Variants in MAGI1 observed in about 807,000 individuals in gnomAD.
MAGI1 encodes membrane-associated guanylate kinase, WW and PDZ domain-containing protein 1.
MAGI1 carries 58 observed loss-of-function variants against 139.9 expected under a neutral mutation model. The ratio of observed to expected loss-of-function variants is 0.41; its 90% confidence interval spans 0.34 to 0.52. The LOEUF (loss-of-function observed/expected upper bound fraction) is 0.52. MAGI1 is among the 20% of genes least tolerant of loss of function. The pLI, the probability that MAGI1 is intolerant of heterozygous loss-of-function variation, is 0.12. For synonymous variants in MAGI1, 812 were observed against 737.9 expected, an observed-to-expected ratio of 1.10 and a Z score of -1.63; for missense variants, 1,874 against 1,901.6, an observed-to-expected ratio of 0.99 and a Z score of 0.27.
chr3:65,949,833 C>T (rs2063711387), intron 1 of MAGI1, among the ~76,000 whole-genome samples: 1 of 151,944 alleles, frequency 6.6e-6, no homozygotes, highest in African/African-American at 2.4e-5. Flanking sequence ...CCTGTAATCC[C>T]AGCTCAAGAG....
At chr3:65,887,842 A>T (rs919991114) in intron 1 of MAGI1, among the ~76,000 whole-genome samples, 2 of 152,184 alleles carry the variant, frequency 1.3e-5, no homozygotes, top group Non-Finnish European at 2.9e-5. Flanking sequence ...TTATTCATTG[A>T]ATTTATTTCC....
intron 1 of MAGI1, among the ~76,000 whole-genome samples, chr3:65,953,766 A>T (rs1270967014): frequency 6.6e-6 from 1 of 152,236 alleles, no homozygotes; most frequent in Non-Finnish European, 1.5e-5. Flanking sequence ...GCCACTCTGT[A>T]GCACCGAAAG....
chr3:66,015,698 C>T, intron 1 of MAGI1, among the ~76,000 whole-genome samples: 1 of 151,716 alleles, frequency 6.6e-6, no homozygotes, highest in Admixed American at 6.6e-5. Context: ...CAATAAATGT[C>T]TAGTAGCTTA....
At chr3:65,535,155 G>C (rs1168104448) in intron 2 of MAGI1, among the ~76,000 whole-genome samples, 4 of 152,072 alleles carry the variant, frequency 2.6e-5, no homozygotes, top group Non-Finnish European at 5.9e-5. Context: ...CCATGAATTT[G>C]AAAAAGATAT....
rs777391442 is a variant in MAGI1, at chr3:65,354,310, C to T, written c.*2068G>A. The T allele has an allele frequency of 6.6e-6, 1 of 152,596 alleles. No individual in the cohort carries two copies. Among genetic ancestry groups the T allele is most frequent in the Non-Finnish European group, 1.5e-5 (1 of 68,032 alleles). 9.5% of individuals were successfully genotyped at this position (152,596 alleles called of 1,614,324 possible). A position where few individuals can be genotyped will look rare whatever the true frequency, so the allele number is the denominator to read the frequency against. On this transcript the variant is annotated 3_prime_UTR_variant, in exon 23 of 23. Transcript: ENST00000402939. ...CAGACTTTTCCCTCCTTTTTAGCTA[C>T]AGAATGTATATTGTGTCTGTTCCAG...
At chr3:65,996,669 A>C (rs2066466420) in intron 1 of MAGI1, among the ~76,000 whole-genome samples, 2 of 152,134 alleles carry the variant, frequency 1.3e-5, no homozygotes, top group Admixed American at 1.3e-4. Flanking sequence ...AGTTGGGTGG[A>C]GAACTCCCAC....
At chr3:66,014,966 C>G (rs11919282) in intron 1 of MAGI1, among the ~76,000 whole-genome samples, 3,884 of 152,096 alleles carry the variant, frequency 0.026, 161 homozygotes, top group African/African-American at 0.089. Context: ...TAACTGACAA[C>G]AAATCATCGC....
intron 1 of MAGI1, among the ~76,000 whole-genome samples, chr3:65,853,022 G>A (rs1348007342): frequency 1.3e-5 from 2 of 151,392 alleles, no homozygotes; most frequent in African/African-American, 2.4e-5. Context: ...GGTGGCACGT[G>A]CCTGTAGTCC....
intron 1 of MAGI1, among the ~76,000 whole-genome samples, chr3:65,917,886 T>C (rs1355971334): frequency 6.6e-6 from 1 of 152,214 alleles, no homozygotes; most frequent in East Asian, 1.9e-4. Flanking sequence ...CTATAAAATG[T>C]ACAACACCAA....
chr3:65,590,656 T>C (rs1248806735), intron 2 of MAGI1, among the ~76,000 whole-genome samples: 1 of 152,160 alleles, frequency 6.6e-6, no homozygotes, highest in Non-Finnish European at 1.5e-5. Context: ...CTGAATATAT[T>C]ACATCCTTGC....
intron 2 of MAGI1, among the ~76,000 whole-genome samples, chr3:65,553,630 G>A (rs1559665048): frequency 6.6e-6 from 1 of 152,048 alleles, no homozygotes; most frequent in Non-Finnish European, 1.5e-5. Flanking sequence ...GCGGTGCAAG[G>A]GGACATATTA....
intron 18 of MAGI1, among the ~76,000 whole-genome samples, chr3:65,367,073 A>G (rs1316531942): frequency 6.6e-6 from 1 of 152,220 alleles, no homozygotes; most frequent in African/African-American, 2.4e-5. Context: ...TTGGTCCTTT[A>G]GCAAACTTCA....
chr3:65,871,345 G>A lies in MAGI1; in HGVS notation c.313+166651C>T, dbSNP rs529605341. On this transcript the variant is annotated intron_variant, in intron 1 of 22. Coordinates refer to ENST00000402939, the MANE Select transcript of MAGI1 (RefSeq NM_001033057.2). ...GAAACTGGGGTTGGGGGTTGTGGGAGAGAAGAATGCATGCACTCTTTCTTC... is the reference window on the plus strand; with the variant it reads ...GAAACTGGGGTTGGGGGTTGTGGGAAAGAAGAATGCATGCACTCTTTCTTC... Among the ~76,000 whole-genome samples the A allele has an allele frequency of 7.9e-5, 12 of 152,288 alleles. No homozygotes were observed. The South Asian group carries it at 2.3e-3, about 29-fold the overall frequency.
chr3:65,987,017 T>C (rs1159841680), intron 1 of MAGI1, among the ~76,000 whole-genome samples: 1 of 151,996 alleles, frequency 6.6e-6, no homozygotes, highest in Non-Finnish European at 1.5e-5. Flanking sequence ...ACTACAGGTA[T>C]ACGCCACCAT....
chr3:65,604,142 G>A (rs1011573986), intron 2 of MAGI1, among the ~76,000 whole-genome samples: 57 of 151,210 alleles, frequency 3.8e-4, no homozygotes, highest in Admixed American at 5.9e-4. Flanking sequence ...CAGGGGAAAA[G>A]AAAACTACGG....
chr3:65,891,945 C>A (rs1400887837), intron 1 of MAGI1, among the ~76,000 whole-genome samples: 3 of 93,650 alleles, frequency 3.2e-5, no homozygotes, highest in Non-Finnish European at 6.2e-5. Flanking sequence ...TATATATACC[C>A]GTGTTGCTCC....
intron 1 of MAGI1, among the ~76,000 whole-genome samples, chr3:65,881,812 G>A (rs1251160377): frequency 6.6e-6 from 1 of 152,132 alleles, no homozygotes; most frequent in Non-Finnish European, 1.5e-5. Context: ...CAACTGGGCT[G>A]AATAGGAGAG....
intron 1 of MAGI1, among the ~76,000 whole-genome samples, chr3:65,869,105 A>C (rs978126022): frequency 2.0e-5 from 3 of 151,618 alleles, no homozygotes; most frequent in Non-Finnish European, 2.9e-5. Context: ...AATACAAAAA[A>C]TTAGCAGGGC....
intron 2 of MAGI1, among the ~76,000 whole-genome samples, chr3:65,606,808 G>A (rs113891685): frequency 0.025 from 3,729 of 151,888 alleles, 47 homozygotes; most frequent in Non-Finnish European, 0.035. Context: ...GTGAGCCGCC[G>A]CACCCAGCCC....
Sources: allele counts gnomAD v4.1 joint callset (sites outside exome capture counted in the v4.1 genomes callset), GRCh38; gene constraint gnomAD v4.1.1; transcripts MANE v1.5; gene names NCBI Gene and HGNC (gene_info 2026-07-23, HGNC 2026-07-21).